Variants in RNGTT observed in about 807,000 individuals in gnomAD.
RNGTT encodes mRNA-capping enzyme.
RNGTT carries 33 observed loss-of-function variants against 79.3 expected under a neutral mutation model. The observed-to-expected ratio is 0.42, with a 90% CI of 0.32 to 0.56. The LOEUF (loss-of-function observed/expected upper bound fraction) is 0.56. RNGTT is among the 20% of genes least tolerant of loss of function. RNGTT has a pLI of 0.17. For missense variants in RNGTT, 497 were observed against 739.1 expected (o/e 0.67, Z 3.80); for synonymous variants, 222 against 235.9 (o/e 0.94, Z 0.54).
At chr6:88,675,427 CA>C (rs1428047606) in intron 14 of RNGTT, among the ~76,000 whole-genome samples, 1 of 152,180 alleles carries the variant, frequency 6.6e-6, no homozygotes, top group Non-Finnish European at 1.5e-5. Context: ...GGTGGTGGCT[CA>C]TGCCTGTAAT....
chr6:88,866,864 G>A (rs920594714), intron 8 of RNGTT, among the ~76,000 whole-genome samples: 1 of 152,138 alleles, frequency 6.6e-6, no homozygotes, highest in African/African-American at 2.4e-5. Context: ...GACTTTATCG[G>A]ATTAAAAATT....
At chr6:88,661,102 A>G (rs1047385734) in intron 14 of RNGTT, among the ~76,000 whole-genome samples, 2 of 152,216 alleles carry the variant, frequency 1.3e-5, no homozygotes, top group African/African-American at 4.8e-5. Flanking sequence ...TGGAAATTAA[A>G]AAGTTCTTTG....
chr6:88,684,078 A>G (rs900269616), intron 13 of RNGTT, among the ~76,000 whole-genome samples: 3 of 152,200 alleles, frequency 2.0e-5, no homozygotes, highest in Non-Finnish European at 4.4e-5. Flanking sequence ...AAAGACTGGA[A>G]CAGAAACCTC....
intron 6 of RNGTT, among the ~76,000 whole-genome samples, chr6:88,895,514 G>A (rs1198521077): frequency 1.3e-5 from 2 of 151,968 alleles, no homozygotes; most frequent in Non-Finnish European, 2.9e-5. Context: ...TAAACCCAAA[G>A]AGAACTATCA....
At chr6:88,653,419 T>G (rs975925603) in intron 14 of RNGTT, among the ~76,000 whole-genome samples, 4 of 152,176 alleles carry the variant, frequency 2.6e-5, no homozygotes, top group African/African-American at 9.6e-5. Context: ...CATCGAAATT[T>G]CCAGCTAAGA....
chr6:88,782,386 C>G (rs533369208), intron 12 of RNGTT, among the ~76,000 whole-genome samples: 1 of 151,926 alleles, frequency 6.6e-6, no homozygotes, highest in South Asian at 2.1e-4. Flanking sequence ...AGGTGCACAC[C>G]ATACACAAAA....
intron 13 of RNGTT, among the ~76,000 whole-genome samples, chr6:88,758,257 T>A (rs1778086869): frequency 6.6e-6 from 1 of 152,192 alleles, no homozygotes; most frequent in Non-Finnish European, 1.5e-5. Flanking sequence ...GATAAGAAAT[T>A]ACCAAAATTA....
chr6:88,689,537 T>A (rs1291490020), intron 13 of RNGTT, among the ~76,000 whole-genome samples: 2 of 148,606 alleles, frequency 1.3e-5, no homozygotes, highest in African/African-American at 5.0e-5. Context: ...GAGGTTGCAG[T>A]GAGCCGAGAT....
intron 11 of RNGTT, among the ~76,000 whole-genome samples, chr6:88,817,682 G>C (rs1780358613): frequency 6.8e-6 from 1 of 147,004 alleles, no homozygotes; most frequent in African/African-American, 2.5e-5. Context: ...CACGTACTTT[G>C]CCAACCTCTG....
chr6:88,779,282 G>T (rs1440275050), intron 12 of RNGTT, among the ~76,000 whole-genome samples: 1 of 152,134 alleles, frequency 6.6e-6, no homozygotes, highest in East Asian at 1.9e-4. Context: ...CATACTTACA[G>T]GCAAATCATC....
chr6:88,643,272 T>G (rs1330330239), intron 14 of RNGTT, among the ~76,000 whole-genome samples: 1 of 152,082 alleles, frequency 6.6e-6, no homozygotes, highest in Non-Finnish European at 1.5e-5. Context: ...GTGTTGAATG[T>G]CTCATATAGT....
rs1300442962 is a variant in RNGTT at position 88,714,730 on chromosome 6, C to T, written c.1440-36311G>A. Among the ~76,000 whole-genome samples, 18 of 89,822 alleles carry T rather than the reference C, an allele frequency of 2.0e-4. 4 individuals carry two copies. Among genetic ancestry groups the T allele is most frequent in the African/African-American group, 3.5e-4 (2 of 5,780 alleles). 58.9% of individuals were successfully genotyped at this position (89,822 alleles called of 152,430 possible). A position where few individuals can be genotyped will look rare whatever the true frequency, so the allele number is the denominator to read the frequency against. ...GTGCTGGGATTACAGGCGTGAGCCA[C>T]CGCGCCCGGCCTAAAAGTACTTTTT... On this transcript the variant is annotated intron_variant, in intron 13 of 15. Coordinates refer to ENST00000369485, the MANE Select transcript of RNGTT (RefSeq NM_003800.5).
chr6:88,751,737 T>C (rs1308546895), intron 13 of RNGTT, among the ~76,000 whole-genome samples: 3 of 152,090 alleles, frequency 2.0e-5, no homozygotes, highest in South Asian at 2.1e-4. Flanking sequence ...GTATGTTATA[T>C]GGGCATTTAA....
chr6:88,959,821 C>T (rs1306971042), intron 1 of RNGTT, among the ~76,000 whole-genome samples: 1 of 152,120 alleles, frequency 6.6e-6, no homozygotes, highest in African/African-American at 2.4e-5. Flanking sequence ...CTTATCACAC[C>T]CTACTTGCCT....
intron 14 of RNGTT, among the ~76,000 whole-genome samples, chr6:88,652,292 C>A (rs1773826661): frequency 6.6e-6 from 1 of 152,124 alleles, no homozygotes; most frequent in African/African-American, 2.4e-5. Context: ...AAATCTCATA[C>A]TTCATTGCAT....
At chr6:88,746,231 T>A (rs1467133565) in intron 13 of RNGTT, among the ~76,000 whole-genome samples, 1 of 152,142 alleles carries the variant, frequency 6.6e-6, no homozygotes, top group Non-Finnish European at 1.5e-5. Context: ...GCAAGTTTCT[T>A]CACAACCAAC....
In RNGTT at chr6:88,891,797, A is replaced by G. The variant is rs1053308034; in HGVS notation, c.794+9T>C. The G allele has an allele frequency of 6.6e-7, 1 of 1,510,992 alleles. No individual in the cohort carries two copies. The highest frequency in any genetic ancestry group is 1.4e-5 in the African/African-American group (1 of 69,280). The allele number at this position is 1,510,992 out of a possible 1,614,324, so 93.6% of individuals were successfully genotyped here. A position where few individuals can be genotyped will look rare whatever the true frequency, so the allele number is the denominator to read the frequency against. ...AAATTTTATTTAAAAATTTAAAAAT[A>G]TTTATTACCCTTCCCAGCCACAGAA... On this transcript the variant is annotated intron_variant, in intron 7 of 15. Transcript: ENST00000369485.
chr6:88,771,315 G>GTGTATATATATATATATATA (rs1303688973), intron 12 of RNGTT, among the ~76,000 whole-genome samples: 1 of 62,076 alleles, frequency 1.6e-5, no homozygotes, highest in African/African-American at 6.6e-5. Context: ...GTGTGTGTGT[G>GTGTATATATATATATATATA]TATATATATA....
intron 14 of RNGTT, among the ~76,000 whole-genome samples, chr6:88,675,525 G>A (rs562810962): frequency 5.9e-5 from 9 of 152,036 alleles, no homozygotes; most frequent in African/African-American, 2.2e-4. Flanking sequence ...GACCCTGTCT[G>A]TATAAAAAAG....
Sources: allele counts gnomAD v4.1 joint callset (sites outside exome capture counted in the v4.1 genomes callset), GRCh38; gene constraint gnomAD v4.1.1; transcripts MANE v1.5; gene names NCBI Gene and HGNC (gene_info 2026-07-23, HGNC 2026-07-21).